FAM135B: variants seen among roughly 807,000 people sequenced by gnomAD.
FAM135B encodes the protein protein FAM135B.
In FAM135B, 43 loss-of-function variants were observed where a neutral mutation model predicts 127.7. The ratio of observed to expected loss-of-function variants is 0.34; its 90% CI spans 0.26 to 0.43. The LOEUF (loss-of-function observed/expected upper bound fraction) is 0.43, where lower values mean the gene tolerates loss of function less well. FAM135B is among the 20% of genes least tolerant of loss of function. The pLI, the probability that FAM135B is intolerant of heterozygous loss-of-function variation, is 1.00. For synonymous variants in FAM135B, 670 were observed against 665.1 expected (o/e 1.01, Z -0.11); for missense variants, 1,558 against 1,725.6 (o/e 0.90, Z 1.72).
intron 12 of FAM135B, among the ~76,000 whole-genome samples, chr8:138,157,480 T>A (rs887912665): frequency 6.6e-6 from 1 of 152,190 alleles, no homozygotes; most frequent in Non-Finnish European, 1.5e-5. Context: ...TAAAGGGTAT[T>A]CAATTAGGAA....
chr8:138,150,865 T>C (rs1167356722), intron 13 of FAM135B, among the ~76,000 whole-genome samples: 1 of 152,060 alleles, frequency 6.6e-6, no homozygotes, highest in Non-Finnish European at 1.5e-5. Flanking sequence ...CATTTACAAT[T>C]GCCATTTGTA....
intron 1 of FAM135B, among the ~76,000 whole-genome samples, chr8:138,432,431 G>A (rs1415505248): frequency 6.6e-6 from 1 of 151,992 alleles, no homozygotes; most frequent in Non-Finnish European, 1.5e-5. Flanking sequence ...TGCTGAAACT[G>A]CACCTGTTCC....
intron 1 of FAM135B, among the ~76,000 whole-genome samples, chr8:138,429,900 A>G (rs1390875518): frequency 6.6e-6 from 1 of 152,192 alleles, no homozygotes; most frequent in African/African-American, 2.4e-5. Context: ...AGGCCTGAGA[A>G]GATAAATTCT....
intron 2 of FAM135B, among the ~76,000 whole-genome samples, chr8:138,321,057 G>A (rs192991104): frequency 1.3e-5 from 2 of 152,234 alleles, no homozygotes; most frequent in East Asian, 1.9e-4. Flanking sequence ...ACACTCTGGA[G>A]TCTGAACACC....
chr8:138,368,105 G>A (rs941815774), intron 1 of FAM135B, 103 bp from the exon 2 acceptor site: 21 of 751,772 alleles, frequency 2.8e-5, no homozygotes, highest in Non-Finnish European at 4.6e-5. Flanking sequence ...GGACCAACAG[G>A]AGTAGCGTGT....
At chr8:138,370,875 G>C (rs1305967968) in intron 1 of FAM135B, among the ~76,000 whole-genome samples, 2 of 152,186 alleles carry the variant, frequency 1.3e-5, no homozygotes, top group African/African-American at 4.8e-5. Context: ...TCCATCTGAA[G>C]ATTAGTGGGA....
intron 2 of FAM135B, among the ~76,000 whole-genome samples, chr8:138,328,901 G>A (rs920857430): frequency 6.6e-6 from 1 of 152,160 alleles, no homozygotes; most frequent in Non-Finnish European, 1.5e-5. Flanking sequence ...TTTGATGCAA[G>A]GTGCATGTAT....
intron 14 of FAM135B, among the ~76,000 whole-genome samples, chr8:138,146,627 G>A (rs1817679824): frequency 6.6e-6 from 1 of 152,020 alleles, no homozygotes; most frequent in South Asian, 2.1e-4. Context: ...GCAGAGGAAT[G>A]AAAGGTTAAG....
At chr8:138,441,008 C>T (rs189655957) in intron 1 of FAM135B, 1 of 152,234 alleles carries the variant, frequency 6.6e-6, no homozygotes, top group South Asian at 2.1e-4. Flanking sequence ...CAGTTAGCGC[C>T]TGCACCAAGA....
At chr8:138,319,199 C>T (rs573025848) in intron 2 of FAM135B, among the ~76,000 whole-genome samples, 2 of 152,214 alleles carry the variant, frequency 1.3e-5, no homozygotes, top group African/African-American at 4.8e-5. Context: ...CTCTGCCTCC[C>T]AGGTTCAAGC....
chr8:138,314,771 T>C (rs1826950830), intron 2 of FAM135B, among the ~76,000 whole-genome samples: 1 of 146,400 alleles, frequency 6.8e-6, no homozygotes, highest in African/African-American at 2.5e-5. Context: ...TCTCAGTTAC[T>C]TGAAGGGCTG....
chr8:138,464,575 A>G (rs951042870), intron 1 of FAM135B, among the ~76,000 whole-genome samples: 1 of 152,230 alleles, frequency 6.6e-6, no homozygotes, highest in African/African-American at 2.4e-5. Flanking sequence ...CAAAGTGTAT[A>G]TTCTAAGAAA....
At chr8:138,221,231 G>A (rs1308358829) in intron 7 of FAM135B, among the ~76,000 whole-genome samples, 1 of 152,148 alleles carries the variant, frequency 6.6e-6, no homozygotes, top group South Asian at 2.1e-4. Context: ...CTCAGGAAAC[G>A]TACAATCATG....
intron 6 of FAM135B, among the ~76,000 whole-genome samples, chr8:138,246,833 G>A (rs1821327189): frequency 6.6e-6 from 1 of 152,204 alleles, no homozygotes; most frequent in Non-Finnish European, 1.5e-5. Context: ...GCCAGTAGAG[G>A]GGACTGTACC....
chr8:138,431,728 T>C (rs1273216555), intron 1 of FAM135B, among the ~76,000 whole-genome samples: 2 of 152,202 alleles, frequency 1.3e-5, no homozygotes, highest in African/African-American at 4.8e-5. Context: ...CCTGAATCAC[T>C]GCTGTCACGT....
At chr8:138,359,256 T>C (rs1363455344) in intron 2 of FAM135B, among the ~76,000 whole-genome samples, 1 of 152,178 alleles carries the variant, frequency 6.6e-6, no homozygotes, top group South Asian at 2.1e-4. Context: ...CAAGGCTACC[T>C]ACCCCTTTGT....
chr8:138,300,200 TC>T (rs1230970211), intron 3 of FAM135B, among the ~76,000 whole-genome samples: 1 of 151,888 alleles, frequency 6.6e-6, no homozygotes, highest in Non-Finnish European at 1.5e-5. Flanking sequence ...CACTCCCCTT[TC>T]TCATTTCACA....
chr8:138,250,222 G>A (rs1446536980), intron 6 of FAM135B, among the ~76,000 whole-genome samples: 2 of 151,984 alleles, frequency 1.3e-5, no homozygotes, highest in African/African-American at 4.8e-5. Context: ...GCGTGGTGGC[G>A]GGTGCCTGTA....
At chr8:138,139,137 C>T in intron 17 of FAM135B, 41 bp from the exon 18 acceptor site, 2 of 1,328,500 alleles carry the variant, frequency 1.5e-6, no homozygotes, top group Non-Finnish European at 2.1e-6. Context: ...AAACACAAAA[C>T]AAAACAAAAA....
Sources: gnomAD v4.1 joint callset for allele counts (sites outside exome capture counted in the v4.1 genomes callset) on GRCh38, gnomAD v4.1.1 for gene constraint, MANE v1.5 for transcripts, NCBI Gene and HGNC (gene_info 2026-07-23, HGNC 2026-07-21) for gene names.